The following CTNNA3 variants were observed in gnomAD, a reference collection of about 807,000 sequenced individuals.
CTNNA3 encodes the protein catenin alpha 3.
A neutral mutation model predicts 95.7 loss-of-function variants in CTNNA3; 76 were observed. The ratio of observed to expected loss-of-function variants is 0.79; its 90% CI spans 0.66 to 0.96. CTNNA3 has a LOEUF of 0.96. CTNNA3 is among the 40% of genes least tolerant of loss of function. The pLI, the probability that CTNNA3 is intolerant of heterozygous loss-of-function variation, is 0.00. For synonymous variants in CTNNA3, 431 were observed against 374.4 expected (o/e 1.15, Z -1.74); for missense variants, 1,191 against 1,089.8 (o/e 1.09, Z -1.31).
chr10:66,095,427 A>G (rs181048077), intron 14 of CTNNA3, among the ~76,000 whole-genome samples: 1 of 152,218 alleles, frequency 6.6e-6, no homozygotes, highest in East Asian at 1.9e-4. Context: ...ATATTGATTA[A>G]AACTGTTTTT....
rs1554924159 is a variant in CTNNA3, at chr10:67,114,709, G to GGTGTGTGTGTGTGTGTGTGCGT, written c.1047+65607_1047+65608insACGCACACACACACACACACAC. 9.7e-5 allele frequency among the ~76,000 whole-genome samples: 14 copies of GGTGTGTGTGTGTGTGTGTGCGT among 144,846 alleles called. No homozygotes were observed. The East Asian group carries it at 2.8e-3, about 29-fold the overall frequency. On this transcript the variant is annotated intron_variant, in intron 7 of 17. Coordinates refer to ENST00000433211, the MANE Select transcript of CTNNA3 (RefSeq NM_013266.4). ...AATCACCATAGTGATGGTTCTTAAA[G>GGTGTGTGTGTGTGTGTGTGCGT]GTGTGTGTGTGTGTGTGTGTGTGTG...
At chr10:66,659,180 AAAC>A (rs1846169741) in intron 9 of CTNNA3, among the ~76,000 whole-genome samples, 1 of 129,762 alleles carries the variant, frequency 7.7e-6, no homozygotes, top group Non-Finnish European at 1.6e-5. Flanking sequence ...ATAATTAAGA[AAAC>A]ACACACACAC....
At chr10:66,444,628 A>C (rs1382881770) in intron 11 of CTNNA3, among the ~76,000 whole-genome samples, 1 of 152,126 alleles carries the variant, frequency 6.6e-6, no homozygotes, top group African/African-American at 2.4e-5. Flanking sequence ...AAATGCTGAG[A>C]GATTTTGTCA....
At chr10:65,997,091 G>C (rs2078679973) in intron 15 of CTNNA3, among the ~76,000 whole-genome samples, 1 of 152,156 alleles carries the variant, frequency 6.6e-6, no homozygotes, top group African/African-American at 2.4e-5. Context: ...CCTAAGAAAT[G>C]TGTAATCTAA....
intron 4 of CTNNA3, among the ~76,000 whole-genome samples, chr10:67,522,303 A>G (rs1331219622): frequency 1.3e-5 from 2 of 152,222 alleles, no homozygotes; most frequent in Non-Finnish European, 2.9e-5. Context: ...TGAATGTATA[A>G]TTTTAAATCA....
At chr10:67,327,672 G>C (rs953909070) in intron 5 of CTNNA3, among the ~76,000 whole-genome samples, 9 of 152,218 alleles carry the variant, frequency 5.9e-5, no homozygotes, top group Non-Finnish European at 1.2e-4. Context: ...GTCAGCCAAA[G>C]TGTTTCAGAG....
chr10:66,813,912 CA>C (rs1189326792), intron 7 of CTNNA3, among the ~76,000 whole-genome samples: 1 of 151,156 alleles, frequency 6.6e-6, no homozygotes, highest in African/African-American at 2.4e-5. Context: ...AATGTAGAGG[CA>C]AAAAACTCAC....
chr10:67,168,726 A>T (rs1158064731), intron 7 of CTNNA3, among the ~76,000 whole-genome samples: 1 of 152,232 alleles, frequency 6.6e-6, no homozygotes, highest in African/African-American at 2.4e-5. Context: ...CTGGCACAAG[A>T]TAAGAATGCT....
rs1554822990 is a variant in CTNNA3, at chr10:65,969,238, G to GA, written c.2266-2493dup. ...AATAGATGGGAAAGGGAAAGGGAAA[G>GA]AAAAAAAAATCAATAGTATTATAGG... On this transcript the variant is annotated intron_variant, in intron 16 of 17. Coordinates refer to ENST00000433211, the MANE Select transcript of CTNNA3 (RefSeq NM_013266.4). Among the ~76,000 whole-genome samples, 7 of 149,294 alleles carry GA rather than the reference G, an allele frequency of 4.7e-5. No individual in the cohort carries two copies. In the South Asian group the frequency reaches 6.3e-4, roughly 14 times the overall value.
At chr10:67,725,972 ATATATAC>A (rs901893510) in intron 1 of CTNNA3, among the ~76,000 whole-genome samples, 1 of 139,658 alleles carries the variant, frequency 7.2e-6, no homozygotes, top group Non-Finnish European at 1.5e-5. Context: ...TATATATGTA[ATATATAC>A]TATATACTAT....
At chr10:66,915,842 G>A (rs1031574883) in intron 7 of CTNNA3, among the ~76,000 whole-genome samples, 1 of 151,000 alleles carries the variant, frequency 6.6e-6, no homozygotes, top group Non-Finnish European at 1.5e-5. Context: ...TCTGCCTCCC[G>A]AGTTCAAGCG....
intron 7 of CTNNA3, among the ~76,000 whole-genome samples, chr10:66,873,796 G>A (rs566129949): frequency 9.2e-5 from 14 of 152,172 alleles, no homozygotes; most frequent in Non-Finnish European, 1.6e-4. Context: ...AAGACTTCAG[G>A]CTATTAAAAA....
At chr10:66,708,549 C>T (rs1848192861) in intron 9 of CTNNA3, among the ~76,000 whole-genome samples, 1 of 150,654 alleles carries the variant, frequency 6.6e-6, no homozygotes, top group African/African-American at 2.5e-5. Context: ...AATGCACTCT[C>T]ATTCCAAGGA....
chr10:66,460,403 A>G (rs1392930958), intron 11 of CTNNA3, among the ~76,000 whole-genome samples: 1 of 152,210 alleles, frequency 6.6e-6, no homozygotes, highest in Non-Finnish European at 1.5e-5. Context: ...ATAATGAACT[A>G]GTTAAAAAAT....
intron 16 of CTNNA3, among the ~76,000 whole-genome samples, chr10:65,978,477 G>A (rs11819005): frequency 0.066 from 8,401 of 127,662 alleles, 813 homozygotes; most frequent in African/African-American, 0.21. Context: ...TTTTGTTCCT[G>A]AGCAATTTTT....
At chr10:66,447,085 A>G (rs1411044125) in intron 11 of CTNNA3, among the ~76,000 whole-genome samples, 1 of 151,746 alleles carries the variant, frequency 6.6e-6, no homozygotes, top group Non-Finnish European at 1.5e-5. Flanking sequence ...ATTGCTTCAA[A>G]GAGAATAAAA....
intron 7 of CTNNA3, among the ~76,000 whole-genome samples, chr10:67,117,316 C>T (rs1363869289): frequency 6.6e-6 from 1 of 151,856 alleles, no homozygotes; most frequent in Non-Finnish European, 1.5e-5. Flanking sequence ...AGGTTCAAAC[C>T]TCATTCTTCA....
chr10:66,148,725 T>TAAAC (rs1276427583), intron 13 of CTNNA3, among the ~76,000 whole-genome samples: 1 of 151,648 alleles, frequency 6.6e-6, no homozygotes, highest in African/African-American at 2.4e-5. Flanking sequence ...AATAAATAAA[T>TAAAC]AAATTATCCA....
chr10:66,241,276 T>C (rs1383162218), intron 13 of CTNNA3, among the ~76,000 whole-genome samples: 1 of 152,226 alleles, frequency 6.6e-6, no homozygotes, highest in African/African-American at 2.4e-5. Flanking sequence ...GCTATAGTTA[T>C]GCCAGATGTT....
Sources: gnomAD v4.1 joint callset for allele counts (sites outside exome capture counted in the v4.1 genomes callset) on GRCh38, gnomAD v4.1.1 for gene constraint, MANE v1.5 for transcripts, NCBI Gene and HGNC (gene_info 2026-07-23, HGNC 2026-07-21) for gene names.